Variants in KHK observed in about 807,000 individuals in gnomAD.
KHK encodes fructokinase.
In KHK, 37 loss-of-function variants were observed where a neutral mutation model predicts 36.0. That is an observed-to-expected ratio of 1.03 (90% CI 0.79 to 1.35). The LOEUF is 1.35. KHK is among the 40% of genes most tolerant of loss of function. KHK has a pLI of 0.00. For missense variants in KHK, 395 were observed against 391.9 expected (o/e 1.01, Z -0.07); for synonymous variants, 161 against 162.8 (o/e 0.99, Z 0.08).
In KHK at chr2:27,099,771, C is replaced by A. The variant is rs754301324; in HGVS notation, c.*21C>A. 2 of 1,608,108 alleles carry A rather than the reference C, an allele frequency of 1.2e-6. No homozygotes were observed. The highest frequency in any genetic ancestry group is 2.2e-5 in the East Asian group (1 of 44,782). On this transcript the variant is annotated 3_prime_UTR_variant, in exon 8 of 8. Transcript: ENST00000260598. ...TGTGAGAGCAGGTGCCGGCTCCTCA[C>A]ACACCATGGAGACTACCATTGCGGC...
Position 27,100,387 on chromosome 2 carries a change from A to G in KHK, c.*637A>G. On this transcript the variant is annotated 3_prime_UTR_variant, in exon 8 of 8. Transcript: ENST00000260598. The stretch of plus-strand genomic sequence containing the variant: ...TACCTCCTCCCGCTGACTGCCCCAG[A>G]GCCTGAAAGTCTCACCCTTGGAGCC... The G allele has an allele frequency of 7.9e-7, 1 of 1,262,230 alleles. No homozygotes were observed. Among genetic ancestry groups the G allele is most frequent in the Non-Finnish European group, 1.0e-6 (1 of 962,936 alleles). 78.2% of individuals were successfully genotyped at this position (1,262,230 alleles called of 1,614,324 possible).
intron 7 of KHK, 33 bp from the exon 8 acceptor site, chr2:27,099,632 C>T: frequency 6.2e-7 from 1 of 1,614,144 alleles, no homozygotes. Context: ...GCCCCAAACA[C>T]CTGGCTGACC....
chr2:27,096,008 G>T (rs1406936913), intron 3 of KHK, among the ~76,000 whole-genome samples: 1 of 152,242 alleles, frequency 6.6e-6, no homozygotes, highest in Non-Finnish European at 1.5e-5. Context: ...GCAGCAGGCT[G>T]CAAGGGGGCT....
chr2:27,096,885 A>G, intron 4 of KHK, 84 bp downstream of exon 4: 1 of 992,102 alleles, frequency 1.0e-6, no homozygotes, highest in Non-Finnish European at 1.6e-6. Context: ...TCTTTGAATC[A>G]TGAAGTACCT....
At chr2:27,091,563 G>A (rs1341014500) in intron 1 of KHK, among the ~76,000 whole-genome samples, 1 of 152,062 alleles carries the variant, frequency 6.6e-6, no homozygotes, top group East Asian at 1.9e-4. Context: ...ATTGGAACTG[G>A]CACAATAGAA....
In KHK at chr2:27,097,494, C is replaced by T; in HGVS notation, c.418-9C>T. 2 of 1,613,326 alleles carry T rather than the reference C, an allele frequency of 1.2e-6. No individual in the cohort carries two copies. Among genetic ancestry groups the T allele is most frequent in the Non-Finnish European group, 1.7e-6 (2 of 1,180,024 alleles). On this transcript the variant is annotated splice_polypyrimidine_tract_variant and intron_variant, in intron 4 of 7. Transcript: ENST00000260598. ...CCCAGCGGTCCTGAGCTGCCCTGTCCTGTACCAGGGCCGGAACGCATCGGA... is the reference window on the plus strand; with the variant it reads ...CCCAGCGGTCCTGAGCTGCCCTGTCTTGTACCAGGGCCGGAACGCATCGGA...
Position 27,100,406 on chromosome 2 carries a change from T to G in KHK, c.*656T>G. 5.4e-6 allele frequency: 7 copies of G among 1,288,060 alleles called. No individual in the cohort carries two copies. Among genetic ancestry groups the G allele is most frequent in the Non-Finnish European group, 7.1e-6 (7 of 986,216 alleles). 79.8% of individuals were successfully genotyped at this position (1,288,060 alleles called of 1,614,324 possible). On this transcript the variant is annotated 3_prime_UTR_variant, in exon 8 of 8. Transcript: ENST00000260598. ...CCCCAGAGCCTGAAAGTCTCACCCTTGGAGCCCACCTTGGAATTAAGGGCG... is the reference window on the plus strand; with the variant it reads ...CCCCAGAGCCTGAAAGTCTCACCCTGGGAGCCCACCTTGGAATTAAGGGCG...
intron 1 of KHK, 125 bp downstream of exon 1, chr2:27,087,476 C>A: frequency 3.0e-6 from 2 of 663,906 alleles, no homozygotes; most frequent in Non-Finnish European, 5.1e-6. Context: ...GCCGGACCCG[C>A]GCCCTCTACC....
chr2:27,094,237 C>CT, intron 2 of KHK: 1 of 578,718 alleles, frequency 1.7e-6, no homozygotes, highest in Non-Finnish European at 3.1e-6. Context: ...TCGGAGCATG[C>CT]TTCAGCCAAG....
At chr2:27,087,528 A>G (rs1167728988) in intron 1 of KHK, among the ~76,000 whole-genome samples, 177 bp downstream of exon 1, 1 of 152,250 alleles carries the variant, frequency 6.6e-6, no homozygotes, top group Non-Finnish European at 1.5e-5. Context: ...GAAGAGAGGA[A>G]GGAATTGAGG....
chr2:27,100,714 G>GT lies in KHK; in HGVS notation c.*965dup, dbSNP rs2148375874. 1 of 1,121,966 alleles carries GT rather than the reference G, an allele frequency of 8.9e-7. No individual in the cohort carries two copies. The highest frequency in any genetic ancestry group is 1.1e-6 in the Non-Finnish European group (1 of 879,268). 69.5% of individuals were successfully genotyped at this position (1,121,966 alleles called of 1,614,324 possible). On this transcript the variant is annotated 3_prime_UTR_variant, in exon 8 of 8. Coordinates refer to ENST00000260598, the MANE Select transcript of KHK (RefSeq NM_006488.3). ...AATTCTGCTTGGCTACAGAATTATT[G>GT]TGAGGATAAAATCATATATAAAATG... is the stretch of plus-strand genomic sequence containing the variant.
intron 1 of KHK, among the ~76,000 whole-genome samples, chr2:27,089,211 T>C (rs899995122): frequency 1.3e-5 from 2 of 152,202 alleles, no homozygotes; most frequent in African/African-American, 4.8e-5. Context: ...CTGTATACCC[T>C]GTCCCTTTGC....
chr2:27,100,348 T>C lies in KHK; in HGVS notation c.*598T>C. On this transcript the variant is annotated 3_prime_UTR_variant, in exon 8 of 8. Transcript: ENST00000260598. ...ACCAGCCTGTGATTTGATGGGGTCT[T>C]CATTGTCCAGAAATACCTCCTCCCG... is the stretch of plus-strand genomic sequence containing the variant. 9.4e-7 allele frequency: 1 copy of C among 1,068,332 alleles called. No homozygotes were observed. Among genetic ancestry groups the C allele is most frequent in the Non-Finnish European group, 1.3e-6 (1 of 789,058 alleles). 66.2% of individuals were successfully genotyped at this position (1,068,332 alleles called of 1,614,324 possible). A position where few individuals can be genotyped will look rare whatever the true frequency, so the allele number is the denominator to read the frequency against.
Position 27,100,314 on chromosome 2 carries a change from G to A in KHK, c.*564G>A. ...TGGGGGGCAGGGGTGCGCCTCCTCT[G>A]CCCTGCCCACCAGCCTGTGATTTGA... On this transcript the variant is annotated 3_prime_UTR_variant, in exon 8 of 8. Transcript: ENST00000260598. The A allele has an allele frequency of 1.4e-6, 1 of 724,116 alleles. No individual in the cohort carries two copies. Among genetic ancestry groups the A allele is most frequent in the Non-Finnish European group, 2.1e-6 (1 of 485,142 alleles). The allele number at this position is 724,116 out of a possible 1,614,324, so 44.9% of individuals were successfully genotyped here. A position where few individuals can be genotyped will look rare whatever the true frequency, so the allele number is the denominator to read the frequency against.
intron 1 of KHK, 140 bp from the exon 2 acceptor site, chr2:27,092,191 GC>G (rs1252267909): frequency 7.8e-6 from 6 of 771,856 alleles, no homozygotes; most frequent in Non-Finnish European, 1.4e-5. Flanking sequence ...GGCCTCGGCT[GC>G]CCCGGGTACA....
intron 4 of KHK, 21 bp downstream of exon 4, chr2:27,096,822 G>A: frequency 1.9e-6 from 3 of 1,584,392 alleles, no homozygotes; most frequent in Non-Finnish European, 2.6e-6. Flanking sequence ...CCTTACCTGT[G>A]TTTCAAGGGG....
Position 27,099,189 on chromosome 2 carries a change from C to T in KHK, c.565-7C>T. ...GTGACCACCAGCTTCTCTTCCACTG[C>T]CCACAGGTGTTTGTCAGCAAAGATG... On this transcript the variant is annotated splice_polypyrimidine_tract_variant and splice_region_variant and intron_variant, in intron 5 of 7. Transcript: ENST00000260598. 1 of 1,614,000 alleles carries T rather than the reference C, an allele frequency of 6.2e-7. No homozygotes were observed. Among genetic ancestry groups the T allele is most frequent in the African/African-American group, 1.3e-5 (1 of 75,030 alleles).
chr2:27,093,626 A>G (rs909261914), intron 2 of KHK, among the ~76,000 whole-genome samples: 5 of 152,218 alleles, frequency 3.3e-5, no homozygotes, highest in African/African-American at 1.2e-4. Context: ...AATCTGTATT[A>G]TCCAGCTTTG....
chr2:27,089,406 C>T (rs936366970), intron 1 of KHK, among the ~76,000 whole-genome samples: 1 of 152,198 alleles, frequency 6.6e-6, no homozygotes, highest in African/African-American at 2.4e-5. Flanking sequence ...CTCAGGGCAA[C>T]AGTGCAAATT....
Sources: gnomAD v4.1 joint callset for allele counts (sites outside exome capture counted in the v4.1 genomes callset) on GRCh38, gnomAD v4.1.1 for gene constraint, MANE v1.5 for transcripts, NCBI Gene and HGNC (gene_info 2026-07-23, HGNC 2026-07-21) for gene names.